PDCD10: variants seen among roughly 807,000 people sequenced by gnomAD.
PDCD10 encodes the protein programmed cell death 10, also known as programmed cell death protein 10.
A neutral mutation model predicts 29.2 loss-of-function variants in PDCD10; 4 were observed. That is an observed-to-expected ratio of 0.14 (90% confidence interval 0.07 to 0.31). The LOEUF (loss-of-function observed/expected upper bound fraction) is 0.31, where lower values mean the gene tolerates loss of function less well. Among genes scored for constraint, PDCD10 ranks in the 10% least tolerant of loss-of-function variants. The pLI is 1.00. For missense variants in PDCD10, 183 were observed against 257.9 expected (o/e 0.71, Z 1.99); for synonymous variants, 70 against 82.2 (o/e 0.85, Z 0.80).
At chr3:167,726,916 G>C (rs1034158881) in intron 2 of PDCD10, among the ~76,000 whole-genome samples, 3 of 152,030 alleles carry the variant, frequency 2.0e-5, no homozygotes, top group African/African-American at 7.3e-5. Flanking sequence ...ATGTCATAAA[G>C]GCCACCTACA....
chr3:167,695,541 T>C (rs1720709073), intron 6 of PDCD10, 55 bp downstream of exon 6: 12 of 1,513,212 alleles, frequency 7.9e-6, no homozygotes, highest in Middle Eastern at 1.7e-4. Flanking sequence ...TGTAGATGAG[T>C]AGTTCCTCGG....
intron 4 of PDCD10, chr3:167,704,537 T>C: frequency 4.1e-6 from 1 of 246,698 alleles, no homozygotes; most frequent in South Asian, 5.4e-5. Context: ...CATATAAGTT[T>C]TCAAAAGGTC....
chr3:167,688,376 A>T (rs937454864), intron 6 of PDCD10, among the ~76,000 whole-genome samples: 3 of 152,142 alleles, frequency 2.0e-5, no homozygotes, highest in Admixed American at 6.5e-5. Flanking sequence ...AGAGGAGACA[A>T]CATCACAATA....
chr3:167,719,674 ATC>A lies in PDCD10; in HGVS notation c.96+386_96+387del, dbSNP rs1261464435. Among the ~76,000 whole-genome samples, 3 of 152,132 alleles carry A rather than the reference ATC, an allele frequency of 2.0e-5. No homozygotes were observed. The East Asian group carries it at 5.8e-4, about 29-fold the overall frequency. ...TCCAACTCTTCAATTAACTCTATTT[ATC>A]TCTTTTAGATCTCTTTCAGGTCTTA... is the stretch of plus-strand genomic sequence containing the variant. On this transcript the variant is annotated intron_variant, in intron 3 of 8. Coordinates refer to ENST00000392750, the MANE Select transcript of PDCD10 (RefSeq NM_007217.4).
Position 167,696,976 on chromosome 3 carries a change from G to T in PDCD10, c.268+33C>A, listed in dbSNP as rs146566173. ...TTAGAGGAAGTGCTATTTAACAATT[G>T]TATAACTTAAACAAGGTTCTTCTGT... is the stretch of plus-strand genomic sequence containing the variant. On this transcript the variant is annotated intron_variant, in intron 5 of 8. Coordinates refer to ENST00000392750, the MANE Select transcript of PDCD10 (RefSeq NM_007217.4). 140 of 1,054,880 alleles carry T rather than the reference G, an allele frequency of 1.3e-4. 1 individual carries two copies. In the African/African-American group the frequency reaches 1.5e-3, roughly 11 times the overall value. 65.3% of individuals were successfully genotyped at this position (1,054,880 alleles called of 1,614,324 possible).
chr3:167,701,740 G>A (rs1427105469), intron 4 of PDCD10, among the ~76,000 whole-genome samples: 1 of 152,118 alleles, frequency 6.6e-6, no homozygotes, highest in East Asian at 1.9e-4. Flanking sequence ...ATGAAAGTCT[G>A]GAAGAATTAC....
rs367796026 is a variant in PDCD10 at position 167,721,076 on chromosome 3, C to T, written c.-116-803G>A. 1.4e-4 allele frequency among the ~76,000 whole-genome samples: 21 copies of T among 152,028 alleles called. No homozygotes were observed. The East Asian group carries it at 3.1e-3, about 22-fold the overall frequency. ...TAAAGAGAATACAACTATATATTTC[C>T]TTTACTATGGTTTAAAAAAATGATC... On this transcript the variant is annotated intron_variant, in intron 2 of 8. Coordinates refer to ENST00000392750, the MANE Select transcript of PDCD10 (RefSeq NM_007217.4).
intron 2 of PDCD10, among the ~76,000 whole-genome samples, chr3:167,724,765 G>T (rs1435615556): frequency 6.6e-6 from 1 of 152,182 alleles, no homozygotes; most frequent in Non-Finnish European, 1.5e-5. Context: ...GTGATAATAA[G>T]ACTTCATTAT....
At chr3:167,708,563 A>T (rs1446128198) in intron 3 of PDCD10, among the ~76,000 whole-genome samples, 3 of 152,234 alleles carry the variant, frequency 2.0e-5, no homozygotes, top group African/African-American at 7.2e-5. Context: ...AACTTCAAAT[A>T]CATCTCCTGA....
chr3:167,730,334 A>T (rs1724676032), intron 2 of PDCD10, among the ~76,000 whole-genome samples: 1 of 152,194 alleles, frequency 6.6e-6, no homozygotes, highest in African/African-American at 2.4e-5. Context: ...AGTTTATATT[A>T]TGGAAAAAAT....
At chr3:167,687,540 T>A in intron 7 of PDCD10, 75 bp downstream of exon 7, 2 of 891,010 alleles carry the variant, frequency 2.2e-6, no homozygotes, top group South Asian at 1.3e-5. Context: ...ATCAATCTTA[T>A]TTTTAAGTCA....
intron 3 of PDCD10, among the ~76,000 whole-genome samples, chr3:167,705,202 T>C (rs931263403): frequency 2.6e-5 from 4 of 152,076 alleles, no homozygotes; most frequent in African/African-American, 7.2e-5. Flanking sequence ...CAGTTTTCAG[T>C]GAACCAAAGG....
chr3:167,719,000 G>A (rs1723300425), intron 3 of PDCD10, among the ~76,000 whole-genome samples: 1 of 151,994 alleles, frequency 6.6e-6, no homozygotes, highest in Non-Finnish European at 1.5e-5. Context: ...GACTGCATTG[G>A]CAACTAAATC....
In PDCD10 at chr3:167,695,600, T is replaced by C. The variant is rs1720719325; in HGVS notation, c.391A>G (p.Ile131Val). 1.2e-6 allele frequency: 2 copies of C among 1,613,166 alleles called. No homozygotes were observed. Among genetic ancestry groups the C allele is most frequent in the Non-Finnish European group, 1.7e-6 (2 of 1,179,220 alleles). Residue 131 changes from isoleucine (I) to valine (V), a missense_variant, in exon 6 of 9, where the codon ATC (isoleucine) becomes GTC (valine). By Grantham distance (29) the Ile-to-Val change is conservative. Transcript: ENST00000392750. ...INDRVRFLQT[I>V]KDIASAIKEL... Reference sequence around the variant, plus strand: ...ACAAAACAAATAATTGCTTACTTGATTGTCTGCAGAAACCTCACTCTGTCA... The same window carrying C: ...ACAAAACAAATAATTGCTTACTTGACTGTCTGCAGAAACCTCACTCTGTCA...
intron 8 of PDCD10, among the ~76,000 whole-genome samples, chr3:167,684,872 C>G (rs1719425254): frequency 1.3e-5 from 2 of 152,172 alleles, no homozygotes; most frequent in South Asian, 4.1e-4. Context: ...CTACAAACTA[C>G]TACAAACTAC....
Position 167,704,374 on chromosome 3 carries a change from C to T in PDCD10, c.150+468G>A, listed in dbSNP as rs973984081. ...TCCTGAGTAGCAAGAATGACAGGCACGCACCACCATGCCTGGCTAATATTT... is the reference window on the plus strand; with the variant it reads ...TCCTGAGTAGCAAGAATGACAGGCATGCACCACCATGCCTGGCTAATATTT... On this transcript the variant is annotated intron_variant, in intron 4 of 8. Transcript: ENST00000392750. Among the ~76,000 whole-genome samples the T allele has an allele frequency of 1.1e-4, 16 of 152,016 alleles. 1 individual carries two copies. Among genetic ancestry groups the T allele is most frequent in the African/African-American group, 2.4e-4 (10 of 41,452 alleles).
At chr3:167,723,763 G>C (rs1406762458) in intron 2 of PDCD10, among the ~76,000 whole-genome samples, 1 of 152,160 alleles carries the variant, frequency 6.6e-6, no homozygotes, top group African/African-American at 2.4e-5. Context: ...AAGAAATGTT[G>C]AAAGAACCTA....
intron 2 of PDCD10, among the ~76,000 whole-genome samples, chr3:167,724,002 C>T (rs555562139): frequency 1.3e-5 from 2 of 152,136 alleles, no homozygotes; most frequent in Admixed American, 6.5e-5. Flanking sequence ...AACAGGTATT[C>T]GCCACTCCGC....
intron 2 of PDCD10, among the ~76,000 whole-genome samples, chr3:167,728,190 G>A (rs1303426067): frequency 5.3e-5 from 8 of 150,308 alleles, no homozygotes; most frequent in African/African-American, 1.7e-4. Context: ...CATAAATACC[G>A]ATTTTAATAT....
Sources: gnomAD v4.1 joint callset for allele counts (sites outside exome capture counted in the v4.1 genomes callset) on GRCh38, gnomAD v4.1.1 for gene constraint, MANE v1.5 for transcripts, NCBI Gene and HGNC (gene_info 2026-07-23, HGNC 2026-07-21) for gene names.